CSMD1: variants seen among roughly 807,000 people sequenced by gnomAD.
CSMD1 encodes CUB and Sushi multiple domains 1.
Under a neutral mutation model 417.5 loss-of-function variants are expected in CSMD1, and 213 were observed. The ratio of observed to expected loss-of-function variants is 0.51; its 90% CI spans 0.46 to 0.57. CSMD1 has a LOEUF of 0.57. Among genes scored for constraint, CSMD1 ranks in the 20% least tolerant of loss-of-function variants. The probability of loss-of-function intolerance (pLI) is 0.00; values close to 1 mark genes in which losing one functional copy is unlikely to be tolerated. For synonymous variants in CSMD1, 2,862 were observed against 1,736.8 expected, an observed-to-expected ratio of 1.65 and a Z score of -16.11; for missense variants, 6,923 against 4,529.7, an observed-to-expected ratio of 1.53 and a Z score of -15.17.
intron 46 of CSMD1, among the ~76,000 whole-genome samples, chr8:3,104,726 G>C (rs79582252): frequency 2.5e-4 from 15 of 60,924 alleles, no homozygotes; most frequent in African/African-American, 9.9e-4. Context: ...TTTTTTTTTT[G>C]AGACAGAGTT....
chr8:3,139,370 G>C (rs1455250672), intron 41 of CSMD1, among the ~76,000 whole-genome samples: 1 of 152,168 alleles, frequency 6.6e-6, no homozygotes, highest in East Asian at 1.9e-4. Context: ...CTTAGCCAGA[G>C]AGATAGCAGA....
intron 2 of CSMD1, among the ~76,000 whole-genome samples, chr8:4,458,278 A>T (rs1435073193): frequency 6.6e-6 from 1 of 152,166 alleles, no homozygotes; most frequent in East Asian, 1.9e-4. Flanking sequence ...ATGACACTCA[A>T]TGAGAAATAT....
chr8:4,412,707 A>T (rs553058714), intron 3 of CSMD1, among the ~76,000 whole-genome samples: 1 of 152,342 alleles, frequency 6.6e-6, no homozygotes, highest in South Asian at 2.1e-4. Context: ...TAACCAACAT[A>T]TAAAGACATA....
At chr8:3,985,029 C>A (rs979768782) in intron 5 of CSMD1, among the ~76,000 whole-genome samples, 3 of 152,042 alleles carry the variant, frequency 2.0e-5, no homozygotes, top group Middle Eastern at 3.4e-3. Flanking sequence ...TGGCTCTGAC[C>A]ACATTTTGAT....
In CSMD1 at chr8:4,736,675, G is replaced by T; in HGVS notation, c.86-99117C>A. On this transcript the variant is annotated intron_variant, in intron 1 of 69. Transcript: ENST00000635120. The stretch of plus-strand genomic sequence containing the variant: ...AATGATTTTTATGCATAACTTTTGA[G>T]AAGATAAATCGCAGGAAAAAGAATA... Among the ~76,000 whole-genome samples, 3 of 152,258 alleles carry T rather than the reference G, an allele frequency of 2.0e-5. 1 individual carries two copies. The highest frequency in any genetic ancestry group is 2.0e-4 in the Admixed American group (3 of 15,292).
chr8:4,625,040 C>T (rs764912032), intron 2 of CSMD1, among the ~76,000 whole-genome samples: 4 of 151,998 alleles, frequency 2.6e-5, no homozygotes, highest in Non-Finnish European at 4.4e-5. Context: ...CATGAGAAAC[C>T]GGGAAGAATG....
At chr8:4,155,674 T>G (rs938160550) in intron 3 of CSMD1, among the ~76,000 whole-genome samples, 2 of 152,134 alleles carry the variant, frequency 1.3e-5, no homozygotes, top group African/African-American at 4.8e-5. Context: ...ACGTGACAGA[T>G]TTTAAGCAAA....
intron 5 of CSMD1, among the ~76,000 whole-genome samples, chr8:3,794,123 A>C (rs76633242): frequency 1.3e-5 from 2 of 152,090 alleles, no homozygotes; most frequent in Admixed American, 1.3e-4. Context: ...CACCCTGCCT[A>C]ATGAACCGGT....
chr8:4,421,638 T>C (rs1305393276), intron 2 of CSMD1, among the ~76,000 whole-genome samples: 2 of 151,944 alleles, frequency 1.3e-5, no homozygotes, highest in South Asian at 2.1e-4. Flanking sequence ...ATAAACTGAA[T>C]GAAAATATAA....
chr8:3,930,099 T>G (rs2129641360), intron 5 of CSMD1, among the ~76,000 whole-genome samples: 3 of 150,568 alleles, frequency 2.0e-5, no homozygotes, highest in Admixed American at 2.0e-4. Context: ...AAGATTATCT[T>G]TATTTGGTAC....
intron 10 of CSMD1, among the ~76,000 whole-genome samples, chr8:3,574,334 G>C (rs1487405971): frequency 2.0e-5 from 3 of 152,214 alleles, no homozygotes; most frequent in African/African-American, 7.2e-5. Flanking sequence ...TCTGCCTCCT[G>C]GGTTCAAGCG....
chr8:3,518,287 T>C (rs1797364624), intron 10 of CSMD1, among the ~76,000 whole-genome samples: 1 of 152,226 alleles, frequency 6.6e-6, no homozygotes, highest in Non-Finnish European at 1.5e-5. Context: ...TAAGAGAGAA[T>C]TATTTCATGC....
chr8:4,912,135 A>AAAAAAGAAAAAAAG (rs1554518068), intron 1 of CSMD1, among the ~76,000 whole-genome samples: 67 of 115,656 alleles, frequency 5.8e-4, no homozygotes, highest in African/African-American at 1.7e-3. Flanking sequence ...AAAAAAAAAA[A>AAAAAAGAAAAAAAG]AAAAAAGAAA....
chr8:3,096,899 A>ACAAAGATGGTAATGTTGTAG lies in CSMD1; in HGVS notation c.7068_7087dup (p.Val2363AlafsTer33). 1.3e-6 allele frequency: 2 copies of ACAAAGATGGTAATGTTGTAG among 1,557,536 alleles called. No individual in the cohort carries two copies. The highest frequency in any genetic ancestry group is 1.7e-6 in the Non-Finnish European group (2 of 1,149,410). On this transcript the variant is annotated frameshift_variant, in exon 47 of 70. Coordinates refer to ENST00000635120, the MANE Select transcript of CSMD1 (RefSeq NM_033225.6). LOFTEE classifies it high-confidence loss of function. Reference sequence around the variant, plus strand: ...CTGCTTTTCACTTTGAAATGTGTCCACAAAGATGGTAATGTTGTAGTTTGG... The same window carrying ACAAAGATGGTAATGTTGTAG: ...CTGCTTTTCACTTTGAAATGTGTCCACAAAGATGGTAATGTTGTAGCAAAGATGGTAATGTTGTAGTTTGG...
At chr8:3,380,954 A>G (rs189813483) in intron 18 of CSMD1, among the ~76,000 whole-genome samples, 13 of 152,292 alleles carry the variant, frequency 8.5e-5, no homozygotes, top group Admixed American at 4.6e-4. Context: ...CAATGCTCAA[A>G]GAAGAATTTG....
Position 4,913,119 on chromosome 8 carries a change from G to A in CSMD1, c.85+81213C>T, listed in dbSNP as rs1378931511. Among the ~76,000 whole-genome samples the A allele has an allele frequency of 2.6e-5, 4 of 152,050 alleles. No individual in the cohort carries two copies. In the East Asian group the frequency reaches 7.7e-4, roughly 29 times the overall value. On this transcript the variant is annotated intron_variant, in intron 1 of 69. Transcript: ENST00000635120. The stretch of plus-strand genomic sequence containing the variant: ...CAGCTGCTTTAAAAAAAATCGTGAG[G>A]GATCACAGATCAAAGCAGAGTCCAC...
intron 1 of CSMD1, among the ~76,000 whole-genome samples, chr8:4,927,078 C>T (rs924114735): frequency 2.1e-5 from 3 of 139,840 alleles, no homozygotes; most frequent in Admixed American, 7.8e-5. Flanking sequence ...GTGTTATTTG[C>T]TTTCAATGCA....
intron 3 of CSMD1, among the ~76,000 whole-genome samples, chr8:4,234,694 T>C (rs1193610100): frequency 6.6e-6 from 1 of 152,248 alleles, no homozygotes; most frequent in East Asian, 1.9e-4. Flanking sequence ...AATGAATGAA[T>C]GGTGTGGTGT....
intron 1 of CSMD1, among the ~76,000 whole-genome samples, chr8:4,706,930 T>G (rs1807982885): frequency 6.6e-6 from 1 of 152,156 alleles, no homozygotes; most frequent in African/African-American, 2.4e-5. Context: ...AAACTATGAG[T>G]AATTTGCTCA....
Sources: allele counts gnomAD v4.1 joint callset (sites outside exome capture counted in the v4.1 genomes callset), GRCh38; gene constraint gnomAD v4.1.1; transcripts MANE v1.5; gene names NCBI Gene and HGNC (gene_info 2026-07-23, HGNC 2026-07-21).